POU6F2: variants seen among roughly 807,000 people sequenced by gnomAD.
POU6F2 encodes the protein POU class 6 homeobox 2.
POU6F2 carries 31 observed loss-of-function variants against 71.3 expected under a neutral mutation model. The observed-to-expected ratio is 0.43, with a 90% CI of 0.33 to 0.59. The LOEUF is 0.59. Ranked by LOEUF, POU6F2 falls within the 20% of genes least tolerant of loss-of-function variation. The probability of loss-of-function intolerance (pLI) is 0.04; values close to 1 mark genes in which losing one functional copy is unlikely to be tolerated. For missense variants in POU6F2, 783 were observed against 856.8 expected, an observed-to-expected ratio of 0.91 and a Z score of 1.07; for synonymous variants, 347 against 355.7, an observed-to-expected ratio of 0.98 and a Z score of 0.27.
intron 4 of POU6F2, among the ~76,000 whole-genome samples, chr7:39,270,927 C>A (rs548228172): frequency 2.0e-4 from 30 of 152,264 alleles, no homozygotes; most frequent in African/African-American, 6.7e-4. Flanking sequence ...TTCTACAAGA[C>A]CCCTTCCGCC....
intron 1 of POU6F2, among the ~76,000 whole-genome samples, chr7:39,006,105 T>A (rs571384223): frequency 1.3e-5 from 2 of 152,180 alleles, no homozygotes; most frequent in African/African-American, 4.8e-5. Flanking sequence ...TCTAACAGTG[T>A]TGGAGTCAGG....
chr7:39,122,768 C>T (rs1481313115), intron 2 of POU6F2, among the ~76,000 whole-genome samples: 1 of 145,562 alleles, frequency 6.9e-6, no homozygotes, highest in African/African-American at 2.6e-5. Flanking sequence ...AGTACAGTAG[C>T]GTGATCTCGG....
chr7:39,313,435 A>G (rs945815312), intron 4 of POU6F2, among the ~76,000 whole-genome samples: 7 of 151,910 alleles, frequency 4.6e-5, no homozygotes, highest in African/African-American at 1.2e-4. Flanking sequence ...ATCTTTACAT[A>G]TTTTGTTTCT....
chr7:39,343,177 T>G (rs1010760430), intron 5 of POU6F2, among the ~76,000 whole-genome samples: 11 of 152,148 alleles, frequency 7.2e-5, no homozygotes, highest in African/African-American at 2.7e-4. Flanking sequence ...TAATCTTGGT[T>G]GTAGAACCCA....
At position 39,074,146 on chromosome 7, in the gene POU6F2, C is replaced by T. The variant is rs940239477; in HGVS notation, c.106-11714C>T. Among the ~76,000 whole-genome samples, 6 of 152,134 alleles carry T rather than the reference C, an allele frequency of 3.9e-5. No homozygotes were observed. In the East Asian group the frequency reaches 9.6e-4, roughly 24 times the overall value. On this transcript the variant is annotated intron_variant, in intron 1 of 9. Transcript: ENST00000518318. ...GGCAGATTGCCTGAGCTCCAGAGTT[C>T]GAGACCAGCCAGGGCAACACAGTGA... is the stretch of plus-strand genomic sequence containing the variant.
chr7:39,464,426 A>C lies in POU6F2; in HGVS notation c.1903A>C (p.Lys635Gln). The change falls in exon 10 of 10, where the codon AAA becomes CAA. Residue 635 changes from lysine (K) to glutamine (Q), a missense_variant. Coordinates refer to ENST00000518318, the MANE Select transcript of POU6F2 (RefSeq NM_001370959.1). The surrounding 1 kb of genome is among the most constrained non-coding windows in gnomAD (Gnocchi z 4.1). ...LTEFIGSEPS[K>Q]KRKRRTSFTP... is the part of the protein sequence containing the mutation. ...CGAGTTTATCGGGAGTGAACCATCC[A>C]AAAAGCGCAAGCGGCGCACCTCCTT... is the stretch of plus-strand genomic sequence containing the variant. 6.2e-7 allele frequency: 1 copy of C among 1,614,016 alleles called. No individual in the cohort carries two copies. Among genetic ancestry groups the C allele is most frequent in the Admixed American group, 1.7e-5 (1 of 60,012 alleles).
At chr7:39,268,761 T>C (rs1784294047) in intron 4 of POU6F2, among the ~76,000 whole-genome samples, 1 of 152,220 alleles carries the variant, frequency 6.6e-6, no homozygotes. Context: ...TATACAGAAT[T>C]AATACACATT....
At chr7:39,438,191 C>T (rs999496457) in intron 7 of POU6F2, among the ~76,000 whole-genome samples, 22 of 133,732 alleles carry the variant, frequency 1.6e-4, no homozygotes, top group Non-Finnish European at 2.5e-4. Context: ...TAAGAACATG[C>T]GATGTTTGGT....
At chr7:39,140,917 G>A (rs954270824) in intron 2 of POU6F2, among the ~76,000 whole-genome samples, 106 of 152,144 alleles carry the variant, frequency 7.0e-4, no homozygotes, top group African/African-American at 2.5e-3. Flanking sequence ...AGCAGAGGCA[G>A]GATGTCTGGT....
At chr7:39,426,270 C>T (rs532760102) in intron 6 of POU6F2, among the ~76,000 whole-genome samples, 4 of 152,320 alleles carry the variant, frequency 2.6e-5, no homozygotes, top group Admixed American at 1.3e-4. Flanking sequence ...GGGGCACTTT[C>T]ATGAGTTCTT....
rs368359089 is a variant in POU6F2 at position 38,999,740 on chromosome 7, T to C, written c.105+21682T>C. Among the ~76,000 whole-genome samples the C allele has an allele frequency of 1.1e-4, 16 of 152,190 alleles. No homozygotes were observed. The East Asian group carries it at 3.1e-3, about 29-fold the overall frequency. On this transcript the variant is annotated intron_variant, in intron 1 of 9. Transcript: ENST00000518318. Reference sequence around the variant, plus strand: ...AATGACAATGCTGTGCTTAATAGTCTTTTTTGCTAGTAACGCTGTGACATT... The same window carrying C: ...AATGACAATGCTGTGCTTAATAGTCCTTTTTGCTAGTAACGCTGTGACATT...
chr7:39,034,484 C>T (rs1790015347), intron 1 of POU6F2: 2 of 439,208 alleles, frequency 4.6e-6, no homozygotes, highest in East Asian at 7.1e-5. Context: ...GAGACAATGG[C>T]ATGGACTGTA....
chr7:39,428,656 C>T (rs1248461671), intron 6 of POU6F2, among the ~76,000 whole-genome samples: 2 of 152,122 alleles, frequency 1.3e-5, no homozygotes, highest in Non-Finnish European at 2.9e-5. Flanking sequence ...CACTTGGACA[C>T]TAAGCAGCAT....
intron 4 of POU6F2, among the ~76,000 whole-genome samples, chr7:39,249,327 G>T (rs1476460189): frequency 6.6e-6 from 1 of 152,038 alleles, no homozygotes; most frequent in Admixed American, 6.6e-5. Flanking sequence ...TTAAACCTGG[G>T]TTCGGCCCTG....
chr7:39,207,564 T>G lies in POU6F2; in HGVS notation c.542T>G (p.Leu181Arg). The G allele has an allele frequency of 6.2e-7, 1 of 1,614,028 alleles. No homozygotes were observed. Among genetic ancestry groups the G allele is most frequent in the East Asian group, 2.2e-5 (1 of 44,878 alleles). Residue 181 changes from leucine to arginine, a missense_variant, in exon 4 of 10, where the codon CTG (leucine) becomes CGG (arginine). Physicochemically the swap from Leu to Arg is moderately radical, Grantham distance 102. Around this residue, in one of 2 missense-constraint regions of POU6F2, gnomAD observed 572 missense variants for 572.9 expected, o/e 1.00. Coordinates refer to ENST00000518318, the MANE Select transcript of POU6F2 (RefSeq NM_001370959.1). ...GCGAATCTCACCAACATCCAAGGGC[T>G]GGTGGCAGCAGCTGCAGCCGGAGGC... ...PTANLTNIQG[L>R]VAAAAAGGIM...
chr7:39,148,764 A>G, intron 2 of POU6F2, among the ~76,000 whole-genome samples: 1 of 152,240 alleles, frequency 6.6e-6, no homozygotes, highest in East Asian at 1.9e-4. Flanking sequence ...TAACCTAGCT[A>G]GTGAAACACA....
intron 5 of POU6F2, among the ~76,000 whole-genome samples, chr7:39,371,656 A>G (rs1470501066): frequency 6.6e-6 from 1 of 152,024 alleles, no homozygotes; most frequent in Non-Finnish European, 1.5e-5. Flanking sequence ...GGCTTTCCCC[A>G]ATACCACCCA....
At chr7:39,429,378 C>G (rs1358689742) in intron 6 of POU6F2, among the ~76,000 whole-genome samples, 2 of 152,136 alleles carry the variant, frequency 1.3e-5, no homozygotes, top group African/African-American at 2.4e-5. Flanking sequence ...CTCATTCATT[C>G]CCAATAGTCT....
intron 2 of POU6F2, among the ~76,000 whole-genome samples, chr7:39,087,838 T>G (rs1193463726): frequency 6.6e-6 from 1 of 152,112 alleles, no homozygotes; most frequent in Non-Finnish European, 1.5e-5. Flanking sequence ...TTTTTTTCAT[T>G]TGTTTAGGGT....
Sources: allele counts gnomAD v4.1 joint callset (sites outside exome capture counted in the v4.1 genomes callset), GRCh38; gene constraint gnomAD v4.1.1; regional missense constraint gnomAD v4.1.1; non-coding constraint Gnocchi (gnomAD v3.1); transcripts MANE v1.5; gene names NCBI Gene and HGNC (gene_info 2026-07-23, HGNC 2026-07-21).